RAD51B: variants seen among roughly 807,000 people sequenced by gnomAD.
RAD51B encodes RAD51 paralog B, also known as DNA repair protein RAD51 homolog 2.
RAD51B carries 38 observed loss-of-function variants against 42.2 expected under a neutral mutation model. The observed-to-expected ratio is 0.90, with a 90% CI of 0.70 to 1.18. The LOEUF is 1.18. Ranked by LOEUF, RAD51B falls within the 50% of genes most tolerant of loss-of-function variation. The pLI is 0.00. For synonymous variants in RAD51B, 154 were observed against 145.2 expected, an observed-to-expected ratio of 1.06 and a Z score of -0.43; for missense variants, 373 against 400.7, an observed-to-expected ratio of 0.93 and a Z score of 0.59.
intron 8 of RAD51B, among the ~76,000 whole-genome samples, chr14:68,353,021 G>T (rs188558741): frequency 2.0e-5 from 3 of 152,130 alleles, no homozygotes; most frequent in Non-Finnish European, 4.4e-5. Flanking sequence ...TGAAGCAAGC[G>T]CACAGCTCAT....
chr14:68,276,394 TC>T (rs1331443779), intron 7 of RAD51B, among the ~76,000 whole-genome samples: 7 of 152,192 alleles, frequency 4.6e-5, no homozygotes, highest in Non-Finnish European at 7.4e-5. Flanking sequence ...TCATTTTAGC[TC>T]ATTTGCGTAC....
chr14:68,386,010 T>C (rs2083586918), intron 8 of RAD51B, among the ~76,000 whole-genome samples: 1 of 152,212 alleles, frequency 6.6e-6, no homozygotes, highest in Admixed American at 6.5e-5. Context: ...CCACTTGTGG[T>C]CACTTAAGAT....
chr14:68,187,400 A>T (rs559075554), intron 7 of RAD51B, among the ~76,000 whole-genome samples: 2 of 152,300 alleles, frequency 1.3e-5, no homozygotes, highest in African/African-American at 4.8e-5. Context: ...TCCCTTTGGG[A>T]TGTTATGCTG....
At chr14:68,141,212 C>T (rs2078121179) in intron 7 of RAD51B, among the ~76,000 whole-genome samples, 1 of 152,074 alleles carries the variant, frequency 6.6e-6, no homozygotes, top group Non-Finnish European at 1.5e-5. Flanking sequence ...TAGTCATTCT[C>T]ATAAAAATGT....
intron 7 of RAD51B, among the ~76,000 whole-genome samples, chr14:68,195,857 G>A (rs1345123790): frequency 7.2e-6 from 1 of 139,656 alleles, no homozygotes; most frequent in Non-Finnish European, 1.5e-5. Flanking sequence ...GTGGTGAGCC[G>A]AGATCACACC....
chr14:68,558,231 T>A (rs1173033846), intron 10 of RAD51B, among the ~76,000 whole-genome samples: 1 of 152,140 alleles, frequency 6.6e-6, no homozygotes, highest in East Asian at 1.9e-4. Context: ...TTGGAAGTAG[T>A]TGAATATCTC....
intron 7 of RAD51B, among the ~76,000 whole-genome samples, chr14:68,276,751 CT>C (rs1413060222): frequency 6.6e-6 from 1 of 152,152 alleles, no homozygotes; most frequent in Non-Finnish European, 1.5e-5. Context: ...GGGGCCTTCC[CT>C]CAAAAATACA....
chr14:68,680,403 G>A (rs543244628), intron 11 of RAD51B, among the ~76,000 whole-genome samples: 1 of 152,234 alleles, frequency 6.6e-6, no homozygotes, highest in African/African-American at 2.4e-5. Flanking sequence ...GTAAACTGTA[G>A]TTTAAAAAAA....
At chr14:68,449,192 A>C (rs1006232774) in intron 9 of RAD51B, among the ~76,000 whole-genome samples, 1 of 152,238 alleles carries the variant, frequency 6.6e-6, no homozygotes, top group African/African-American at 2.4e-5. Context: ...GAAAATCTAA[A>C]GTATTTTCAT....
At chr14:68,485,136 GAGGGCAAGACAGTGATGAACTCC>G (rs1883523210) in intron 10 of RAD51B, among the ~76,000 whole-genome samples, 1 of 152,210 alleles carries the variant, frequency 6.6e-6, no homozygotes, top group African/African-American at 2.4e-5. Context: ...GGGGCTGTGA[GAGGGCAAGACAGTGATGAACTCC>G]AGGGCATGCT....
intron 7 of RAD51B, among the ~76,000 whole-genome samples, chr14:68,146,382 G>A (rs1032556857): frequency 4.6e-5 from 7 of 152,160 alleles, no homozygotes; most frequent in South Asian, 2.1e-4. Context: ...CCAAGATGGC[G>A]CCACTGCACT....
At chr14:68,610,898 T>C in intron 10 of RAD51B, 2 of 579,614 alleles carry the variant, frequency 3.5e-6, no homozygotes, top group East Asian at 3.2e-5. Context: ...ATCTCCCTAG[T>C]TGTGTAACCC....
At chr14:68,111,120 C>G (rs752104544) in intron 7 of RAD51B, among the ~76,000 whole-genome samples, 16 of 151,976 alleles carry the variant, frequency 1.1e-4, no homozygotes, top group Non-Finnish European at 2.2e-4. Flanking sequence ...AGGGGGTGGA[C>G]CAAGTAACCT....
chr14:68,036,592 T>C (rs1006407054), intron 7 of RAD51B, among the ~76,000 whole-genome samples: 6 of 152,140 alleles, frequency 3.9e-5, no homozygotes, highest in African/African-American at 1.4e-4. Flanking sequence ...TTAGAAGGAA[T>C]TTTTCTTTGG....
Position 68,288,086 on chromosome 14 carries a change from A to G in RAD51B, c.757-3798A>G, listed in dbSNP as rs536831359. 9.2e-5 allele frequency among the ~76,000 whole-genome samples: 14 copies of G among 152,328 alleles called. No individual in the cohort carries two copies. The South Asian group carries it at 2.9e-3, about 32-fold the overall frequency. On this transcript the variant is annotated intron_variant, in intron 7 of 10. Transcript: ENST00000471583. ...TTCCCATGGAGCAAAGCAGCAGGAA[A>G]ACCCCATGAAGCGTCAGTTAGAAAC... is the stretch of plus-strand genomic sequence containing the variant.
In RAD51B at chr14:68,314,622, T is replaced by C. The variant is rs574762700; in HGVS notation, c.853+22642T>C. On this transcript the variant is annotated intron_variant, in intron 8 of 10. Transcript: ENST00000471583. ...ATGATGCCAAAACCATGGTGCCACTTCATTTCACACCAAAGTGGATGGATC... is the reference window on the plus strand; with the variant it reads ...ATGATGCCAAAACCATGGTGCCACTCCATTTCACACCAAAGTGGATGGATC... Among the ~76,000 whole-genome samples the C allele has an allele frequency of 2.0e-5, 3 of 152,304 alleles. No individual in the cohort carries two copies. In the South Asian group the frequency reaches 6.2e-4, roughly 32 times the overall value.
At chr14:68,327,195 A>T (rs928787555) in intron 8 of RAD51B, among the ~76,000 whole-genome samples, 2 of 152,154 alleles carry the variant, frequency 1.3e-5, no homozygotes, top group Non-Finnish European at 2.9e-5. Flanking sequence ...AAATTTTAAT[A>T]GATTTAAAGT....
intron 7 of RAD51B, among the ~76,000 whole-genome samples, chr14:67,948,938 A>AC (rs2074388405): frequency 2.7e-5 from 4 of 148,780 alleles, no homozygotes; most frequent in African/African-American, 9.9e-5. Flanking sequence ...TCTCAAAAAA[A>AC]AAAAAAAAAA....
intron 8 of RAD51B, among the ~76,000 whole-genome samples, chr14:68,396,091 G>C (rs151128396): frequency 6.6e-6 from 1 of 152,104 alleles, no homozygotes; most frequent in Non-Finnish European, 1.5e-5. Context: ...GCAGGGACAC[G>C]GGCACCGGCA....
Sources: gnomAD v4.1 joint callset for allele counts (sites outside exome capture counted in the v4.1 genomes callset) on GRCh38, gnomAD v4.1.1 for gene constraint, MANE v1.5 for transcripts, NCBI Gene and HGNC (gene_info 2026-07-23, HGNC 2026-07-21) for gene names.